The following ZNF827 variants were observed in gnomAD, a reference collection of about 807,000 sequenced individuals.
ZNF827 encodes the protein zinc finger protein 827.
ZNF827 carries 13 observed loss-of-function variants against 102.4 expected under a neutral mutation model. The ratio of observed to expected loss-of-function variants is 0.13; its 90% CI spans 0.08 to 0.20. ZNF827 has a LOEUF of 0.20. ZNF827 is among the 10% of genes least tolerant of loss of function. The pLI is 1.00. For missense variants in ZNF827, 1,103 were observed against 1,344.4 expected (o/e 0.82, Z 2.81); for synonymous variants, 523 against 536.2 (o/e 0.98, Z 0.34).
chr4:145,779,110 A>G (rs76402223), intron 9 of ZNF827, among the ~76,000 whole-genome samples: 1 of 152,180 alleles, frequency 6.6e-6, no homozygotes, highest in African/African-American at 2.4e-5. Context: ...ATTTTTTTTA[A>G]CAGAGTTTAG....
At chr4:145,852,553 C>A (rs1746635173) in intron 5 of ZNF827, among the ~76,000 whole-genome samples, 2 of 152,140 alleles carry the variant, frequency 1.3e-5, no homozygotes, top group Non-Finnish European at 2.9e-5. Context: ...ATCACAGTCC[C>A]TTCTCTTCCA....
chr4:145,902,577 G>C lies in ZNF827; in HGVS notation c.682C>G (p.Leu228Val). 6.2e-7 allele frequency: 1 copy of C among 1,614,034 alleles called. No homozygotes were observed. Among genetic ancestry groups the C allele is most frequent in the South Asian group, 1.1e-5 (1 of 91,084 alleles). The change falls in exon 2 of 15, where the codon CTC becomes GTC. Residue 228 changes from leucine (L) to valine (V), a missense_variant. Transcript: ENST00000508784. The surrounding 1 kb of genome is among the most constrained non-coding windows in gnomAD (Gnocchi z 4.3). ...CGCATGGTCTCCTCAGTCCTGGTGA[G>C]AGATTTGTCCTGCAGAACGGCATTG... ...AANAVLQDKSLTRTEETMRFE... is the reference protein window; with the variant it reads ...AANAVLQDKSVTRTEETMRFE...
intron 9 of ZNF827, 140 bp from the exon 10 acceptor site, chr4:145,776,100 A>T: frequency 1.1e-6 from 1 of 928,796 alleles, no homozygotes; most frequent in Non-Finnish European, 1.6e-6. Context: ...ATGCCTAGGA[A>T]TTGTAAGTAT....
At chr4:145,883,608 AC>A (rs1749863390) in intron 4 of ZNF827, among the ~76,000 whole-genome samples, 1 of 152,210 alleles carries the variant, frequency 6.6e-6, no homozygotes. Context: ...TGCATCATAC[AC>A]AAGTGTTTTA....
At position 145,902,962 on chromosome 4, in the gene ZNF827, A is replaced by C; in HGVS notation, c.297T>G (p.Asp99Glu). The change falls in exon 2 of 15, where the codon GAT becomes GAG. Residue 99 changes from aspartate (D) to glutamate (E), a missense_variant. Coordinates refer to ENST00000508784, the MANE Select transcript of ZNF827 (RefSeq NM_001306215.2). This position sits in a 1 kb window ranked among gnomAD's most constrained non-coding sequence, Gnocchi z 4.3. ...EVLRDSLQCQ[D>E]HLSPGVSSLC... ...AAGAAGACACTCCCGGGGAAAGGTGATCTTGACACTGCAGTGAGTCTCGCA... is the reference window on the plus strand; with the variant it reads ...AAGAAGACACTCCCGGGGAAAGGTGCTCTTGACACTGCAGTGAGTCTCGCA... The C allele has an allele frequency of 6.2e-7, 1 of 1,614,132 alleles. No homozygotes were observed. Among genetic ancestry groups the C allele is most frequent in the Non-Finnish European group, 8.5e-7 (1 of 1,180,020 alleles).
At chr4:145,766,588 G>A (rs1236113826) in intron 11 of ZNF827, among the ~76,000 whole-genome samples, 1 of 152,220 alleles carries the variant, frequency 6.6e-6, no homozygotes, top group Non-Finnish European at 1.5e-5. Context: ...GATTTTGCAG[G>A]ACGGAGTATC....
intron 1 of ZNF827, among the ~76,000 whole-genome samples, chr4:145,918,005 T>C (rs955091184): frequency 2.6e-5 from 4 of 152,294 alleles, no homozygotes; most frequent in Admixed American, 6.5e-5. Context: ...TTAAAGAAGT[T>C]ATTTGAAACA....
intron 1 of ZNF827, among the ~76,000 whole-genome samples, chr4:145,904,152 T>C (rs1454226703): frequency 6.6e-6 from 1 of 152,216 alleles, no homozygotes; most frequent in Admixed American, 6.5e-5. Flanking sequence ...TTCTACCTTT[T>C]CTCACGATAT....
chr4:145,843,328 C>A (rs1038325486), intron 7 of ZNF827, among the ~76,000 whole-genome samples: 2 of 152,010 alleles, frequency 1.3e-5, no homozygotes, highest in African/African-American at 2.4e-5. Context: ...ACAGGAAGAA[C>A]CTCTTCCTTT....
Position 145,783,635 on chromosome 4 carries a change from T to C in ZNF827, c.2384-4124A>G, listed in dbSNP as rs1560918550. ...GCCATGGAAGCGGCTTGGGTAGCCA[T>C]GTGCCAAAGTTCTGAGAAGGCTTTT... On this transcript the variant is annotated intron_variant, in intron 8 of 14. Coordinates refer to ENST00000508784, the MANE Select transcript of ZNF827 (RefSeq NM_001306215.2). 3.9e-5 allele frequency among the ~76,000 whole-genome samples: 6 copies of C among 152,362 alleles called. No homozygotes were observed. In the South Asian group the frequency reaches 1.0e-3, roughly 26 times the overall value.
At chr4:145,897,935 A>C (rs530067084) in intron 2 of ZNF827, among the ~76,000 whole-genome samples, 3 of 152,142 alleles carry the variant, frequency 2.0e-5, no homozygotes, top group Non-Finnish European at 2.9e-5. Context: ...AGGGTGGATC[A>C]CTTGAGGCCA....
intron 5 of ZNF827, among the ~76,000 whole-genome samples, chr4:145,853,811 C>G (rs1221780900): frequency 6.6e-6 from 1 of 151,804 alleles, no homozygotes; most frequent in Non-Finnish European, 1.5e-5. Flanking sequence ...TAAAAAAGTA[C>G]AAAATTAGCT....
Position 145,757,717 on chromosome 4 carries a change from G to A in ZNF827, c.*3899C>T, listed in dbSNP as rs913718434. On this transcript the variant is annotated 3_prime_UTR_variant, in exon 15 of 15. Transcript: ENST00000508784. ...TTGGCAATGCAACATAAGATGCAAA[G>A]GAATATACCAGTTACTGTCAAAATG... 5.9e-5 allele frequency: 9 copies of A among 151,284 alleles called. No homozygotes were observed. Among genetic ancestry groups the A allele is most frequent in the Non-Finnish European group, 1.2e-4 (8 of 67,882 alleles). The allele number at this position is 151,284 out of a possible 1,614,324, so 9.4% of individuals were successfully genotyped here.
chr4:145,915,653 G>A (rs1752614485), intron 1 of ZNF827, among the ~76,000 whole-genome samples: 1 of 152,166 alleles, frequency 6.6e-6, no homozygotes, highest in Admixed American at 6.5e-5. Context: ...AAAAATTCAT[G>A]TCCTTCTCAC....
At chr4:145,870,724 CA>C (rs1415923915) in intron 4 of ZNF827, 1 of 396,584 alleles carries the variant, frequency 2.5e-6, no homozygotes, top group Non-Finnish European at 4.5e-6. Flanking sequence ...GCTACCTCTA[CA>C]AAGTTTCTGG....
intron 10 of ZNF827, among the ~76,000 whole-genome samples, chr4:145,775,018 T>A (rs1736833088): frequency 6.6e-6 from 1 of 152,148 alleles, no homozygotes; most frequent in Admixed American, 6.5e-5. Context: ...ATTGCCAAGG[T>A]ATTTAGTGGT....
Position 145,938,580 on chromosome 4 carries a change from G to C in ZNF827, c.-173C>G. 1.8e-6 allele frequency: 1 copy of C among 547,292 alleles called. No homozygotes were observed. Among genetic ancestry groups the C allele is most frequent in the South Asian group, 2.6e-5 (1 of 38,132 alleles). The allele number at this position is 547,292 out of a possible 1,614,324, so 33.9% of individuals were successfully genotyped here. ...AATGGGTTGAAGCTTGTTTCCTGGA[G>C]CCAGAAGAGGGGTTTTCTTCTTTTC... On this transcript the variant is annotated 5_prime_UTR_variant, in exon 1 of 15. Coordinates refer to ENST00000508784, the MANE Select transcript of ZNF827 (RefSeq NM_001306215.2).
chr4:145,822,038 T>C (rs1032154596), intron 8 of ZNF827, among the ~76,000 whole-genome samples: 1 of 152,136 alleles, frequency 6.6e-6, no homozygotes, highest in Non-Finnish European at 1.5e-5. Flanking sequence ...GGCAATAATT[T>C]TGGGACCAGG....
intron 1 of ZNF827, among the ~76,000 whole-genome samples, chr4:145,917,722 AAAAAG>A (rs1752765891): frequency 1.4e-5 from 2 of 147,204 alleles, no homozygotes; most frequent in African/African-American, 5.2e-5. Flanking sequence ...AAAAAAAAAA[AAAAAG>A]AAAAGAAAAA....
Sources: allele counts gnomAD v4.1 joint callset (sites outside exome capture counted in the v4.1 genomes callset), GRCh38; gene constraint gnomAD v4.1.1; non-coding constraint Gnocchi (gnomAD v3.1); transcripts MANE v1.5; gene names NCBI Gene and HGNC (gene_info 2026-07-23, HGNC 2026-07-21).